ATP9B: variants seen among roughly 807,000 people sequenced by gnomAD.
ATP9B encodes probable phospholipid-transporting ATPase IIB.
Under a neutral mutation model 146.1 loss-of-function variants are expected in ATP9B, and 110 were observed. The observed-to-expected ratio is 0.75, with a 90% confidence interval of 0.65 to 0.88. The LOEUF is 0.88. ATP9B is among the 40% of genes least tolerant of loss of function. The probability of loss-of-function intolerance (pLI) is 0.00; values close to 1 mark genes in which losing one functional copy is unlikely to be tolerated. For missense variants in ATP9B, 1,499 were observed against 1,496.4 expected (o/e 1.00, Z -0.03); for synonymous variants, 604 against 569.7 (o/e 1.06, Z -0.86).
At chr18:79,292,081 AT>A (rs2096509354) in intron 13 of ATP9B, among the ~76,000 whole-genome samples, 1 of 152,210 alleles carries the variant, frequency 6.6e-6, no homozygotes, top group South Asian at 2.1e-4. Flanking sequence ...ATTTCTGTTT[AT>A]TGCCAAATAA....
intron 1 of ATP9B, among the ~76,000 whole-genome samples, chr18:79,073,102 A>G (rs1396986956): frequency 2.0e-5 from 3 of 151,372 alleles, no homozygotes; most frequent in African/African-American, 7.3e-5. Context: ...CTCACTTCCT[A>G]GATGGGGTGG....
At chr18:79,342,429 T>C (rs991102751) in intron 20 of ATP9B, 63 bp downstream of exon 20, 7 of 1,116,694 alleles carry the variant, frequency 6.3e-6, no homozygotes, top group African/African-American at 4.6e-5. Flanking sequence ...CGAAGCCTAT[T>C]GTTTTTGTCA....
chr18:79,096,432 AG>A, intron 1 of ATP9B, 43 bp from the exon 2 acceptor site: 1 of 1,557,606 alleles, frequency 6.4e-7, no homozygotes, highest in Non-Finnish European at 8.8e-7. Flanking sequence ...ACTGTAAAGA[AG>A]ACTGCTTGGC....
intron 11 of ATP9B, among the ~76,000 whole-genome samples, chr18:79,244,200 A>G (rs962678036): frequency 6.7e-6 from 1 of 148,206 alleles, no homozygotes; most frequent in African/African-American, 2.5e-5. Context: ...TGTTCCAGGC[A>G]GGCTCCATGG....
At chr18:79,202,984 A>G (rs2095502210) in intron 9 of ATP9B, among the ~76,000 whole-genome samples, 2 of 152,248 alleles carry the variant, frequency 1.3e-5, no homozygotes. Context: ...ATATAGTACT[A>G]AAAGATTGAC....
intron 5 of ATP9B, among the ~76,000 whole-genome samples, chr18:79,136,289 A>T (rs1431857392): frequency 1.3e-5 from 2 of 152,106 alleles, no homozygotes; most frequent in African/African-American, 4.8e-5. Context: ...TAATCTTTTG[A>T]CCCATGTGTG....
chr18:79,305,549 C>T (rs1259319603), intron 14 of ATP9B, among the ~76,000 whole-genome samples: 1 of 151,998 alleles, frequency 6.6e-6, no homozygotes, highest in Non-Finnish European at 1.5e-5. Flanking sequence ...TACAGTTTCT[C>T]CCAGGAATCT....
At chr18:79,294,986 C>T (rs2096536906) in intron 13 of ATP9B, among the ~76,000 whole-genome samples, 1 of 152,096 alleles carries the variant, frequency 6.6e-6, no homozygotes, top group Non-Finnish European at 1.5e-5. Flanking sequence ...GATTTCAGTT[C>T]CTTGCATTTA....
chr18:79,171,499 A>G (rs760879821), intron 7 of ATP9B, among the ~76,000 whole-genome samples: 5 of 152,212 alleles, frequency 3.3e-5, no homozygotes, highest in African/African-American at 7.2e-5. Flanking sequence ...TTATATTGAC[A>G]TAATTAATGA....
chr18:79,164,634 G>T (rs1198953508), intron 7 of ATP9B, among the ~76,000 whole-genome samples: 1 of 152,146 alleles, frequency 6.6e-6, no homozygotes, highest in Non-Finnish European at 1.5e-5. Context: ...CAGGAGAATG[G>T]TGTGAACCCG....
At chr18:79,318,830 G>A (rs2096697808) in intron 15 of ATP9B, among the ~76,000 whole-genome samples, 1 of 152,148 alleles carries the variant, frequency 6.6e-6, no homozygotes, top group Non-Finnish European at 1.5e-5. Context: ...TCTTGTAATT[G>A]TATGGAAGAC....
intron 25 of ATP9B, 72 bp downstream of exon 25, chr18:79,348,268 A>C (rs2096902773): frequency 2.7e-6 from 3 of 1,099,848 alleles, no homozygotes; most frequent in Non-Finnish European, 4.0e-6. Context: ...AAAAAAAAAA[A>C]ACAAAAAACG....
At chr18:79,339,037 A>G (rs2096842160) in intron 19 of ATP9B, among the ~76,000 whole-genome samples, 1 of 152,220 alleles carries the variant, frequency 6.6e-6, no homozygotes, top group South Asian at 2.1e-4. Flanking sequence ...GACTTGTAAG[A>G]TTTAATGTCC....
intron 13 of ATP9B, among the ~76,000 whole-genome samples, chr18:79,283,808 T>C (rs2096405035): frequency 6.6e-6 from 1 of 152,232 alleles, no homozygotes; most frequent in Non-Finnish European, 1.5e-5. Flanking sequence ...AATTTGTACT[T>C]AATCTGCTGG....
At chr18:79,343,770 C>T (rs1357427649) in intron 20 of ATP9B, 2 of 195,746 alleles carry the variant, frequency 1.0e-5, no homozygotes, top group South Asian at 9.8e-5. Flanking sequence ...GAGCCGTGTC[C>T]GTAACGCTGC....
intron 1 of ATP9B, among the ~76,000 whole-genome samples, chr18:79,074,805 G>A (rs1038397892): frequency 6.6e-6 from 1 of 152,234 alleles, no homozygotes; most frequent in Non-Finnish European, 1.5e-5. Flanking sequence ...AGAGAAATGG[G>A]TCTGTGGCAT....
chr18:79,320,923 G>A (rs1455522292), intron 15 of ATP9B, among the ~76,000 whole-genome samples: 1 of 152,172 alleles, frequency 6.6e-6, no homozygotes, highest in Non-Finnish European at 1.5e-5. Context: ...TTTATGCGGG[G>A]AGGGAGCTTA....
intron 8 of ATP9B, among the ~76,000 whole-genome samples, chr18:79,188,319 A>G (rs2095328244): frequency 6.6e-6 from 1 of 152,214 alleles, no homozygotes; most frequent in South Asian, 2.1e-4. Context: ...AGAGTGGAAA[A>G]TGAATTGTTC....
chr18:79,138,977 G>A (rs78655760), intron 5 of ATP9B, among the ~76,000 whole-genome samples: 4,056 of 152,094 alleles, frequency 0.027, 200 homozygotes, highest in African/African-American at 0.093. Context: ...CTGAGGTGGG[G>A]GGATCACCCG....
Sources: allele counts gnomAD v4.1 joint callset (sites outside exome capture counted in the v4.1 genomes callset), GRCh38; gene constraint gnomAD v4.1.1; transcripts MANE v1.5; gene names NCBI Gene and HGNC (gene_info 2026-07-23, HGNC 2026-07-21).